Variants in HMGA2 observed in about 807,000 individuals in gnomAD.
HMGA2 encodes the protein high mobility group AT-hook 2.
HMGA2 carries 8 observed loss-of-function variants against 19.1 expected under a neutral mutation model. The ratio of observed to expected loss-of-function variants is 0.42; its 90% CI spans 0.25 to 0.76. The LOEUF (loss-of-function observed/expected upper bound fraction) is 0.76, where lower values mean the gene tolerates loss of function less well. Among genes scored for constraint, HMGA2 ranks in the 30% least tolerant of loss-of-function variants. HMGA2 has a pLI of 0.28. For synonymous variants in HMGA2, 60 were observed against 48.8 expected (o/e 1.23, Z -0.96); for missense variants, 109 against 136.3 (o/e 0.80, Z 1.00).
chr12:65,873,768 T>C (rs1351039173), intron 3 of HMGA2: 1 of 152,246 alleles, frequency 6.6e-6, no homozygotes, highest in Non-Finnish European at 1.5e-5. Flanking sequence ...TGAGGATTTG[T>C]TTTCAAGTCT....
intron 3 of HMGA2, among the ~76,000 whole-genome samples, chr12:65,917,595 C>T (rs955029485): frequency 6.6e-6 from 1 of 152,040 alleles, no homozygotes; most frequent in Non-Finnish European, 1.5e-5. Context: ...GTGAGCATCA[C>T]TGACAGGCCA....
At chr12:65,831,564 A>G (rs1057089025) in intron 2 of HMGA2, among the ~76,000 whole-genome samples, 1 of 151,906 alleles carries the variant, frequency 6.6e-6, no homozygotes, top group Non-Finnish European at 1.5e-5. Context: ...AGCAAAGTGC[A>G]GAATGAAAAT....
At chr12:65,867,339 AT>A (rs1410032254) in intron 3 of HMGA2, 1 of 331,642 alleles carries the variant, frequency 3.0e-6, no homozygotes, top group Non-Finnish European at 6.0e-6. Flanking sequence ...CAGCATGAAA[AT>A]CTGGAGGCCT....
intron 3 of HMGA2, among the ~76,000 whole-genome samples, chr12:65,871,037 G>A (rs955170755): frequency 1.1e-4 from 16 of 152,120 alleles, no homozygotes; most frequent in Non-Finnish European, 2.4e-4. Context: ...GGTCAAATCC[G>A]ACATGATTTA....
At chr12:65,865,877 C>T (rs1872380805) in intron 3 of HMGA2, among the ~76,000 whole-genome samples, 1 of 151,520 alleles carries the variant, frequency 6.6e-6, no homozygotes, top group Non-Finnish European at 1.5e-5. Flanking sequence ...CTCCTGACCT[C>T]GTGATCTGCC....
intron 3 of HMGA2, among the ~76,000 whole-genome samples, chr12:65,899,476 T>C (rs1294755965): frequency 1.3e-5 from 2 of 152,240 alleles, no homozygotes; most frequent in East Asian, 1.9e-4. Flanking sequence ...CCTTGTGATA[T>C]GATAATTGCA....
intron 4 of HMGA2, chr12:65,958,331 T>A (rs564031800): frequency 2.0e-5 from 3 of 152,364 alleles, no homozygotes; most frequent in South Asian, 4.1e-4. Context: ...TTGAAAAACA[T>A]AATTCCCGCC....
chr12:65,915,383 T>A, intron 3 of HMGA2: 2 of 1,304,382 alleles, frequency 1.5e-6, no homozygotes, highest in Non-Finnish European at 2.0e-6. Flanking sequence ...TCTAGGCACA[T>A]GCAGAGCCAT....
At chr12:65,877,910 T>G (rs1271819566) in intron 3 of HMGA2, among the ~76,000 whole-genome samples, 3 of 152,184 alleles carry the variant, frequency 2.0e-5, no homozygotes, top group Non-Finnish European at 4.4e-5. Context: ...ACGCTCATAT[T>G]TCCTTTTGTG....
At chr12:65,939,191 C>T (rs1395307707) in intron 3 of HMGA2, among the ~76,000 whole-genome samples, 2 of 152,136 alleles carry the variant, frequency 1.3e-5, no homozygotes, top group African/African-American at 4.8e-5. Context: ...TGGGAAGATT[C>T]TCCCTGAAAT....
At position 65,965,413 on chromosome 12, in the gene HMGA2, G is replaced by A. The variant is rs1876879968; in HGVS notation, c.*2121G>A. On this transcript the variant is annotated 3_prime_UTR_variant, in exon 5 of 5. Coordinates refer to ENST00000403681, the MANE Select transcript of HMGA2 (RefSeq NM_003483.6). ...GTATTATCAACTGGGCCAGGAGGTA[G>A]TTTCTCATGACGGCTTTTGTCAGTA... The A allele has an allele frequency of 9.8e-6, 2 of 203,648 alleles. No individual in the cohort carries two copies. Among genetic ancestry groups the A allele is most frequent in the Non-Finnish European group, 2.0e-5 (2 of 99,068 alleles). The allele number at this position is 203,648 out of a possible 1,614,324, so 12.6% of individuals were successfully genotyped here. A position where few individuals can be genotyped will look rare whatever the true frequency, so the allele number is the denominator to read the frequency against.
chr12:65,888,808 C>A (rs1161664274), intron 3 of HMGA2, among the ~76,000 whole-genome samples: 1 of 150,466 alleles, frequency 6.6e-6, no homozygotes, highest in Non-Finnish European at 1.5e-5. Context: ...CGTGATCCGC[C>A]CGCCTCGGCC....
intron 3 of HMGA2, among the ~76,000 whole-genome samples, chr12:65,889,696 G>T (rs1201537850): frequency 1.3e-5 from 2 of 152,216 alleles, no homozygotes; most frequent in African/African-American, 4.8e-5. Flanking sequence ...TATCAGGGCT[G>T]TTGCGAGGAT....
intron 3 of HMGA2, among the ~76,000 whole-genome samples, chr12:65,930,156 G>A (rs1029801519): frequency 6.6e-5 from 10 of 152,302 alleles, no homozygotes; most frequent in Non-Finnish European, 1.2e-4. Context: ...TATTATATCT[G>A]AACAGAATGC....
intron 3 of HMGA2, among the ~76,000 whole-genome samples, chr12:65,935,954 C>A (rs533651949): frequency 6.6e-6 from 1 of 152,206 alleles, no homozygotes; most frequent in Admixed American, 6.5e-5. Flanking sequence ...GTGCTTAAGG[C>A]ACTGCATTCT....
intron 3 of HMGA2, among the ~76,000 whole-genome samples, chr12:65,865,633 C>CTTTTTTTTTTTTTT: frequency 7.6e-6 from 1 of 131,772 alleles, no homozygotes; most frequent in Non-Finnish European, 1.6e-5. Flanking sequence ...ATCTATTTTT[C>CTTTTTTTTTTTTTT]TTTTTTTTTT....
chr12:65,870,234 G>A lies in HMGA2; in HGVS notation c.249+31665G>A, dbSNP rs577975448. Among the ~76,000 whole-genome samples, 11 of 152,326 alleles carry A rather than the reference G, an allele frequency of 7.2e-5. 1 individual carries two copies. The South Asian group carries it at 2.3e-3, about 32-fold the overall frequency. On this transcript the variant is annotated intron_variant, in intron 3 of 4. Transcript: ENST00000403681. ...AACTATGTGTCAGGTGTTAGGCTGA[G>A]CACATTATGAACATTGTCTTGATTT...
In HMGA2 at chr12:65,825,868, G is replaced by A. The variant is rs1381079298; in HGVS notation, c.111+487G>A. Reference sequence around the variant, plus strand: ...TTTCTCCCGCCTCCCGGGGCTGCTCGCGGGTCGGGGGCTGGCGCGCCGCAG... The same window carrying A: ...TTTCTCCCGCCTCCCGGGGCTGCTCACGGGTCGGGGGCTGGCGCGCCGCAG... On this transcript the variant is annotated intron_variant, in intron 1 of 4. Transcript: ENST00000403681. The surrounding 1 kb of genome is among the most constrained non-coding windows in gnomAD (Gnocchi z 4.4). The A allele has an allele frequency of 6.6e-6, 1 of 152,138 alleles. No homozygotes were observed. 9.4% of individuals were successfully genotyped at this position (152,138 alleles called of 1,614,324 possible). A position where few individuals can be genotyped will look rare whatever the true frequency, so the allele number is the denominator to read the frequency against.
At chr12:65,921,412 C>G (rs1462669445) in intron 3 of HMGA2, among the ~76,000 whole-genome samples, 1 of 152,094 alleles carries the variant, frequency 6.6e-6, no homozygotes, top group African/African-American at 2.4e-5. Flanking sequence ...CCATGCCTGG[C>G]TAATTTTTTT....
Sources: gnomAD v4.1 joint callset for allele counts (sites outside exome capture counted in the v4.1 genomes callset) on GRCh38, gnomAD v4.1.1 for gene constraint, Gnocchi (gnomAD v3.1) non-coding constraint, MANE v1.5 for transcripts, NCBI Gene and HGNC (gene_info 2026-07-23, HGNC 2026-07-21) for gene names.